GABPB1: variants seen among roughly 807,000 people sequenced by gnomAD.
GABPB1 encodes GA binding protein transcription factor subunit beta 1.
In GABPB1, 15 loss-of-function variants were observed where a neutral mutation model predicts 45.9. That is an observed-to-expected ratio of 0.33 (90% CI 0.22 to 0.50). The LOEUF (loss-of-function observed/expected upper bound fraction) is 0.50. Ranked by LOEUF, GABPB1 falls within the 20% of genes least tolerant of loss-of-function variation. The pLI, the probability that GABPB1 is intolerant of heterozygous loss-of-function variation, is 0.98. For synonymous variants in GABPB1, 143 were observed against 154.4 expected, an observed-to-expected ratio of 0.93 and a Z score of 0.55; for missense variants, 252 against 457.5, an observed-to-expected ratio of 0.55 and a Z score of 4.10.
intron 7 of GABPB1, among the ~76,000 whole-genome samples, chr15:50,287,748 T>C (rs1478792798): frequency 6.6e-6 from 1 of 152,234 alleles, no homozygotes; most frequent in East Asian, 1.9e-4. Flanking sequence ...TTTCTTCTTT[T>C]CTGAAAATTA....
chr15:50,278,864 TA>T (rs532118991), intron 8 of GABPB1, 80 bp from the exon 9 acceptor site: 11,806 of 890,600 alleles, frequency 0.013, no homozygotes, highest in South Asian at 0.019. Flanking sequence ...TCCTTCAAAT[TA>T]AAAAAAAAAA....
At chr15:50,312,471 T>A (rs577698509) in intron 1 of GABPB1, among the ~76,000 whole-genome samples, 1 of 152,290 alleles carries the variant, frequency 6.6e-6, no homozygotes, top group Non-Finnish European at 1.5e-5. Context: ...ATTACTGATC[T>A]CCAATGAGGC....
At chr15:50,282,226 T>A in intron 8 of GABPB1, 1 of 446,406 alleles carries the variant, frequency 2.2e-6, no homozygotes, top group Non-Finnish European at 4.5e-6. Context: ...AATACAAACA[T>A]ACATACATAC....
At chr15:50,278,816 T>G in intron 8 of GABPB1, 32 bp from the exon 9 acceptor site, 3 of 1,551,444 alleles carry the variant, frequency 1.9e-6, no homozygotes, top group Non-Finnish European at 2.6e-6. Flanking sequence ...TTTTTTTAAT[T>G]TTTGCAAAAA....
intron 1 of GABPB1, among the ~76,000 whole-genome samples, chr15:50,315,195 G>T (rs2047274293): frequency 1.3e-5 from 2 of 152,092 alleles, no homozygotes; most frequent in African/African-American, 4.8e-5. Context: ...ACAGCGGTGA[G>T]ATCATAGTTC....
intron 2 of GABPB1, among the ~76,000 whole-genome samples, chr15:50,307,404 C>A (rs954682908): frequency 6.6e-6 from 1 of 152,058 alleles, no homozygotes; most frequent in Non-Finnish European, 1.5e-5. Context: ...TATTGCTAAC[C>A]CATGGGAATT....
intron 8 of GABPB1, among the ~76,000 whole-genome samples, chr15:50,281,926 A>T (rs997201109): frequency 3.3e-5 from 5 of 151,890 alleles, no homozygotes; most frequent in Admixed American, 1.3e-4. Flanking sequence ...ACAGGGCAAA[A>T]CCTCATCTCA....
At chr15:50,293,277 C>T (rs906582314) in intron 6 of GABPB1, among the ~76,000 whole-genome samples, 8 of 150,634 alleles carry the variant, frequency 5.3e-5, no homozygotes, top group Non-Finnish European at 1.0e-4. Flanking sequence ...ATAGGAACTG[C>T]TTTTTTTTTA....
intron 6 of GABPB1, among the ~76,000 whole-genome samples, chr15:50,298,867 G>A (rs2046618197): frequency 6.6e-6 from 1 of 150,990 alleles, no homozygotes; most frequent in Admixed American, 6.6e-5. Context: ...CAGGAGAACT[G>A]CTTGAACCTG....
chr15:50,289,678 A>G lies in GABPB1; in HGVS notation c.698-10T>C, dbSNP rs754585025. The G allele has an allele frequency of 3.8e-6, 6 of 1,583,966 alleles. No homozygotes were observed. The Admixed American group carries it at 7.6e-5, about 20-fold the overall frequency. On this transcript the variant is annotated splice_polypyrimidine_tract_variant and intron_variant, in intron 6 of 8. Coordinates refer to ENST00000380877, the MANE Select transcript of GABPB1 (RefSeq NM_016654.5). ...TCTTCTGTGGCCACTACTGGAAAAA[A>G]AAAAAAGAAAACTCAGCAAACATAT...
chr15:50,291,480 G>C (rs921821969), intron 6 of GABPB1, among the ~76,000 whole-genome samples: 1 of 151,062 alleles, frequency 6.6e-6, no homozygotes, highest in Admixed American at 6.6e-5. Flanking sequence ...CACCACGCCT[G>C]GTAATTTTTT....
chr15:50,293,704 C>T (rs1335217685), intron 6 of GABPB1, among the ~76,000 whole-genome samples: 2 of 152,252 alleles, frequency 1.3e-5, no homozygotes, highest in East Asian at 1.9e-4. Flanking sequence ...TCTAAGATCA[C>T]ACACAAGGCA....
chr15:50,342,900 T>G (rs1338816236), intron 1 of GABPB1, among the ~76,000 whole-genome samples: 1 of 152,108 alleles, frequency 6.6e-6, no homozygotes, highest in Non-Finnish European at 1.5e-5. Context: ...TTGTTTTTGT[T>G]TGTTTGTTTG....
intron 1 of GABPB1, among the ~76,000 whole-genome samples, chr15:50,330,762 A>G (rs2047922030): frequency 6.6e-6 from 1 of 152,248 alleles, no homozygotes; most frequent in Non-Finnish European, 1.5e-5. Context: ...ATATAGCATA[A>G]TCTCTATGTT....
intron 1 of GABPB1, among the ~76,000 whole-genome samples, chr15:50,340,753 T>C (rs1231935724): frequency 9.6e-6 from 1 of 104,040 alleles, no homozygotes; most frequent in Non-Finnish European, 2.3e-5. Context: ...AAATGTTTGT[T>C]GGCCACTATG....
chr15:50,306,869 A>C (rs1324720478), intron 2 of GABPB1, among the ~76,000 whole-genome samples: 1 of 151,860 alleles, frequency 6.6e-6, no homozygotes, highest in East Asian at 1.9e-4. Context: ...CATGAGATTC[A>C]CCATGTTAAT....
chr15:50,289,459 T>A (rs371126795), intron 7 of GABPB1, 24 bp downstream of exon 7: 26 of 1,451,540 alleles, frequency 1.8e-5, no homozygotes, highest in Non-Finnish European at 2.2e-5. Flanking sequence ...ACATACAAAC[T>A]TTATATAAAT....
chr15:50,304,572 G>A (rs138822918), intron 2 of GABPB1, among the ~76,000 whole-genome samples: 3,071 of 152,158 alleles, frequency 0.02, 105 homozygotes, highest in African/African-American at 0.071. Context: ...TTAGCCAGGC[G>A]TGGTGGCATG....
intron 1 of GABPB1, among the ~76,000 whole-genome samples, chr15:50,333,826 C>T (rs1180923848): frequency 2.0e-5 from 3 of 151,924 alleles, no homozygotes; most frequent in Non-Finnish European, 4.4e-5. Context: ...GTCAGGAGTT[C>T]GAGACCAGCC....
Sources: gnomAD v4.1 joint callset for allele counts (sites outside exome capture counted in the v4.1 genomes callset) on GRCh38, gnomAD v4.1.1 for gene constraint, MANE v1.5 for transcripts, NCBI Gene and HGNC (gene_info 2026-07-23, HGNC 2026-07-21) for gene names.